NSMCE2: variants seen among roughly 807,000 people sequenced by gnomAD.
The protein encoded by NSMCE2 is NSE2 SUMO ligase component of SMC5/6 complex.
Under a neutral mutation model 23.8 loss-of-function variants are expected in NSMCE2, and 24 were observed. The observed-to-expected ratio is 1.01, with a 90% CI of 0.73 to 1.42. The LOEUF (loss-of-function observed/expected upper bound fraction) is 1.42. Ranked by LOEUF, NSMCE2 falls within the 40% of genes most tolerant of loss-of-function variation. NSMCE2 has a pLI of 0.00. For synonymous variants in NSMCE2, 92 were observed against 94.1 expected, an observed-to-expected ratio of 0.98 and a Z score of 0.13; for missense variants, 284 against 296.5, an observed-to-expected ratio of 0.96 and a Z score of 0.31.
At chr8:125,241,736 A>T (rs1370209169) in intron 5 of NSMCE2, among the ~76,000 whole-genome samples, 2 of 152,230 alleles carry the variant, frequency 1.3e-5, no homozygotes, top group Admixed American at 6.5e-5. Context: ...CTCATAGTGT[A>T]AGTTGAAAAG....
intron 5 of NSMCE2, among the ~76,000 whole-genome samples, chr8:125,241,370 A>C (rs1825758697): frequency 6.6e-6 from 1 of 152,252 alleles, no homozygotes; most frequent in Non-Finnish European, 1.5e-5. Context: ...CAAATATACA[A>C]TTATAATACA....
chr8:125,242,758 A>G (rs552376129), intron 5 of NSMCE2, among the ~76,000 whole-genome samples: 2 of 152,286 alleles, frequency 1.3e-5, no homozygotes, highest in South Asian at 4.1e-4. Context: ...GTACTAGAGA[A>G]CAGAGTCCCC....
At position 125,241,068 on chromosome 8, in the gene NSMCE2, A is replaced by G. The variant is rs79096821; in HGVS notation, c.418+58812A>G. On this transcript the variant is annotated intron_variant, in intron 5 of 7. Transcript: ENST00000287437. ...TTTTGAATTTTGGAATATTGGCACT[A>G]TTCTTACGGGTTGAATATCCCTAAT... Among the ~76,000 whole-genome samples the G allele has an allele frequency of 2.2e-3, 329 of 152,266 alleles. 3 individuals are homozygous for G. The highest frequency in any genetic ancestry group is 7.7e-3 in the African/African-American group (321 of 41,550).
At chr8:125,316,507 A>G (rs1829182431) in intron 5 of NSMCE2, among the ~76,000 whole-genome samples, 1 of 152,250 alleles carries the variant, frequency 6.6e-6, no homozygotes, top group Non-Finnish European at 1.5e-5. Flanking sequence ...TTTAGGAACT[A>G]TGTTATGATC....
chr8:125,263,101 T>C (rs189106541), intron 5 of NSMCE2, among the ~76,000 whole-genome samples: 40 of 152,304 alleles, frequency 2.6e-4, no homozygotes, highest in Non-Finnish European at 5.9e-5. Flanking sequence ...GAAAATATTA[T>C]TCAATTTACA....
intron 5 of NSMCE2, among the ~76,000 whole-genome samples, chr8:125,318,903 G>T (rs1292000764): frequency 6.6e-6 from 1 of 152,284 alleles, no homozygotes; most frequent in Non-Finnish European, 1.5e-5. Flanking sequence ...GGGAAGCCAA[G>T]ATAGCTAGAC....
At chr8:125,164,296 C>T (rs1292058423) in intron 4 of NSMCE2, among the ~76,000 whole-genome samples, 1 of 152,174 alleles carries the variant, frequency 6.6e-6, no homozygotes, top group Non-Finnish European at 1.5e-5. Context: ...CTTGGTTAGT[C>T]TCAAGAGGTG....
At chr8:125,129,880 G>T (rs561872968) in intron 3 of NSMCE2, among the ~76,000 whole-genome samples, 1 of 152,132 alleles carries the variant, frequency 6.6e-6, no homozygotes, top group African/African-American at 2.4e-5. Context: ...CCCTCACACA[G>T]TTCCCTCAGT....
chr8:125,160,211 CAG>C (rs1821534993), intron 4 of NSMCE2, among the ~76,000 whole-genome samples: 2 of 152,220 alleles, frequency 1.3e-5, no homozygotes, highest in African/African-American at 4.8e-5. Context: ...ATTTAGGTCA[CAG>C]AGTTTCATTA....
intron 5 of NSMCE2, among the ~76,000 whole-genome samples, chr8:125,211,228 C>G (rs1335748438): frequency 2.6e-5 from 4 of 152,140 alleles, no homozygotes; most frequent in African/African-American, 7.2e-5. Flanking sequence ...GTACAAACTT[C>G]ACAAAGTGCA....
intron 5 of NSMCE2, among the ~76,000 whole-genome samples, chr8:125,296,934 A>G (rs917757423): frequency 1.3e-5 from 2 of 152,228 alleles, no homozygotes; most frequent in Non-Finnish European, 2.9e-5. Context: ...TCTTTAAGAA[A>G]TCGAATACCT....
At chr8:125,103,287 C>G (rs1050560249) in intron 3 of NSMCE2, among the ~76,000 whole-genome samples, 6 of 151,294 alleles carry the variant, frequency 4.0e-5, no homozygotes, top group African/African-American at 1.5e-4. Flanking sequence ...GTCTGGACAA[C>G]AGAGCAAGAC....
At chr8:125,319,616 A>C (rs1409313459) in intron 5 of NSMCE2, among the ~76,000 whole-genome samples, 1 of 152,174 alleles carries the variant, frequency 6.6e-6, no homozygotes, top group Non-Finnish European at 1.5e-5. Flanking sequence ...TGAAAAGATA[A>C]AACACACAAA....
chr8:125,234,976 CGTGGTGGCTCAAG>C (rs1563735173), intron 5 of NSMCE2, among the ~76,000 whole-genome samples: 7 of 152,154 alleles, frequency 4.6e-5, no homozygotes, highest in African/African-American at 1.7e-4. Context: ...CCTGGCCAGG[CGTGGTGGCTCAAG>C]CAACCTAGCA....
At chr8:125,193,640 G>A (rs759370899) in intron 5 of NSMCE2, among the ~76,000 whole-genome samples, 2 of 152,186 alleles carry the variant, frequency 1.3e-5, no homozygotes, top group Admixed American at 6.5e-5. Flanking sequence ...AGAACTATTG[G>A]TTAGGAGTGA....
intron 5 of NSMCE2, among the ~76,000 whole-genome samples, chr8:125,228,581 G>T (rs971674415): frequency 6.6e-6 from 1 of 152,198 alleles, no homozygotes; most frequent in African/African-American, 2.4e-5. Context: ...ACTGGGGAAG[G>T]CAGTACAGGG....
At chr8:125,304,843 G>A (rs778608315) in intron 5 of NSMCE2, among the ~76,000 whole-genome samples, 5 of 149,140 alleles carry the variant, frequency 3.4e-5, no homozygotes, top group Non-Finnish European at 5.9e-5. Flanking sequence ...AGCTGAGATC[G>A]TGCCACCTCA....
intron 5 of NSMCE2, among the ~76,000 whole-genome samples, chr8:125,230,173 G>C (rs149182550): frequency 6.6e-6 from 1 of 152,168 alleles, no homozygotes; most frequent in Admixed American, 6.5e-5. Flanking sequence ...AAGCCTAAAC[G>C]TGTCTTCCAG....
At chr8:125,141,257 A>C (rs552634266) in intron 3 of NSMCE2, among the ~76,000 whole-genome samples, 10 of 152,190 alleles carry the variant, frequency 6.6e-5, no homozygotes, top group Non-Finnish European at 1.2e-4. Context: ...TATTTAAGTC[A>C]ATCAGTCTCT....
Sources: gnomAD v4.1 joint callset for allele counts (sites outside exome capture counted in the v4.1 genomes callset) on GRCh38, gnomAD v4.1.1 for gene constraint, MANE v1.5 for transcripts, NCBI Gene and HGNC (gene_info 2026-07-23, HGNC 2026-07-21) for gene names.